Variants in FLNC observed in about 807,000 individuals in gnomAD.
FLNC encodes the protein filamin-C.
In FLNC, 91 loss-of-function variants were observed where a neutral mutation model predicts 254.3. The ratio of observed to expected loss-of-function variants is 0.36; its 90% CI spans 0.30 to 0.43. FLNC has a LOEUF of 0.43. FLNC is among the 20% of genes least tolerant of loss of function. The probability of loss-of-function intolerance (pLI) is 1.00; values close to 1 mark genes in which losing one functional copy is unlikely to be tolerated. For missense variants in FLNC, 2,853 were observed against 3,802.6 expected (o/e 0.75, Z 6.57); for synonymous variants, 1,430 against 1,577.2 (o/e 0.91, Z 2.21).
rs1376914067 is a variant in FLNC, at chr7:128,830,969, A to C, written c.332A>C (p.His111Pro). 1 of 1,609,082 alleles carries C rather than the reference A, an allele frequency of 6.2e-7. No homozygotes were observed. Among genetic ancestry groups the C allele is most frequent in the South Asian group, 1.1e-5 (1 of 91,082 alleles). The change falls in exon 1 of 48, where the codon CAC (histidine) becomes CCC (proline). Residue 111 changes from histidine (H) to proline (P), a missense_variant. Physicochemically the swap from His to Pro is moderately conservative, Grantham distance 77. This residue lies in a region of FLNC where 115 missense variants were observed against 230.3 expected (regional missense o/e 0.50). Transcript: ENST00000325888. ...GCCCTCGAGTTCCTCGAGCGCGAGC[A>C]CATCAAGCTCGTGTCCATAGGTCAG... ...SVALEFLERE[H>P]IKLVSIDSKA...
At chr7:128,853,659 G>A in intron 38 of FLNC, 38 bp downstream of exon 38, 1 of 1,614,012 alleles carries the variant, frequency 6.2e-7, no homozygotes, top group South Asian at 1.1e-5. Flanking sequence ...GAGAGACAGG[G>A]AGGCCAGGAG....
chr7:128,851,199 C>T, intron 33 of FLNC, 33 bp from the exon 34 acceptor site: 1 of 1,613,608 alleles, frequency 6.2e-7, no homozygotes. Flanking sequence ...ATCCCTGATG[C>T]TGACCCAGCC....
rs750404224 is a variant in FLNC at position 128,840,982 on chromosome 7, G to T, written c.1813+12G>T. ...GGTGGGGACACTGGGTAAGTGGCTGGGGGGCAGGAGGAGGGAGTGCTGCGG... is the reference window on the plus strand; with the variant it reads ...GGTGGGGACACTGGGTAAGTGGCTGTGGGGCAGGAGGAGGGAGTGCTGCGG... On this transcript the variant is annotated intron_variant, in intron 11 of 47. Coordinates refer to ENST00000325888, the MANE Select transcript of FLNC (RefSeq NM_001458.5). 1 of 1,585,622 alleles carries T rather than the reference G, an allele frequency of 6.3e-7. No homozygotes were observed. The highest frequency in any genetic ancestry group is 8.6e-7 in the Non-Finnish European group (1 of 1,166,004).
Position 128,847,945 on chromosome 7 carries a change from G to T in FLNC, c.4457G>T (p.Gly1486Val), listed in dbSNP as rs767473791. 3.1e-6 allele frequency: 5 copies of T among 1,613,482 alleles called. No individual in the cohort carries two copies. The African/African-American group carries it at 5.3e-5, about 17-fold the overall frequency. Residue 1486 changes from glycine (G) to valine (V), a missense_variant and splice_region_variant, in exon 26 of 48, where the codon GGT (glycine) becomes GTT (valine). Physicochemically the swap from Gly to Val is moderately radical, Grantham distance 109 (BLOSUM62 -3). Transcript: ENST00000325888. ...TGCTGACCCTGTGCCCCTTGCCCAG[G>T]TGTGGCCGAGCCTGTGGAGGTGCGG... The part of the protein sequence containing the change: ...PLQVAVLGPT[G>V]VAEPVEVRDN...
chr7:128,854,459 G>A lies in FLNC; in HGVS notation c.6774G>A (p.Ser2258=), dbSNP rs767691386. The change falls in exon 41 of 48, where the codon TCG becomes TCA. Residue 2258 remains serine (S), a synonymous_variant. Coordinates refer to ENST00000325888, the MANE Select transcript of FLNC (RefSeq NM_001458.5). ...TGACTGCACAGGTGACCAGCCCATC[G>A]GGCAAGGTGGAAGCCGCAGAGATCG... ...QDMTAQVTSP[S]GKVEAAEIVE... 41 of 1,609,234 alleles carry A rather than the reference G, an allele frequency of 2.5e-5. No homozygotes were observed. The highest frequency in any genetic ancestry group is 8.4e-5 in the Admixed American group (5 of 59,330).
chr7:128,840,613 C>T lies in FLNC; in HGVS notation c.1615C>T (p.Pro539Ser). ...TGGTGTGTTCGAGTGCGAGTACTAC[C>T]CGGTGGTGCCTGGGAAGTATGTGGT... ...GDGVFECEYYPVVPGKYVVTI... is the reference protein window; with the variant it reads ...GDGVFECEYYSVVPGKYVVTI... The change falls in exon 10 of 48, where the codon CCG (proline) becomes TCG (serine). Residue 539 changes from proline to serine, a missense_variant. Around this residue, in one of 10 missense-constraint regions of FLNC, gnomAD observed 1,573 missense variants for 1,883.5 expected, o/e 0.84. Transcript: ENST00000325888. 2.5e-6 allele frequency: 4 copies of T among 1,614,208 alleles called. No individual in the cohort carries two copies. The highest frequency in any genetic ancestry group is 3.4e-6 in the Non-Finnish European group (4 of 1,180,032).
chr7:128,848,765 C>T (rs558197599), intron 27 of FLNC, 28 bp from the exon 28 acceptor site: 17 of 1,614,092 alleles, frequency 1.1e-5, no homozygotes, highest in African/African-American at 4.0e-5. Flanking sequence ...CAGGCACAGG[C>T]GGGCCTTGAC....
In FLNC at chr7:128,840,597, C is replaced by T. The variant is rs768072902; in HGVS notation, c.1599C>T (p.Phe533=). 1.1e-5 allele frequency: 17 copies of T among 1,614,064 alleles called. No homozygotes were observed. Among genetic ancestry groups the T allele is most frequent in the South Asian group, 4.4e-5 (4 of 91,084 alleles). ...TGCGGGAGGCTGGGGATGGTGTGTT[C>T]GAGTGCGAGTACTACCCGGTGGTGC... ...VKVREAGDGV[F]ECEYYPVVPG... The change falls in exon 10 of 48, where the codon TTC becomes TTT. Residue 533 remains phenylalanine (F), a synonymous_variant. Coordinates refer to ENST00000325888, the MANE Select transcript of FLNC (RefSeq NM_001458.5).
rs1328348899 is a variant in FLNC, at chr7:128,853,024, C to T, written c.6201C>T (p.Arg2067=). The T allele has an allele frequency of 6.2e-7, 1 of 1,613,140 alleles. No homozygotes were observed. Among genetic ancestry groups the T allele is most frequent in the Non-Finnish European group, 8.5e-7 (1 of 1,179,950 alleles). The change falls in exon 37 of 48, where the codon CGC becomes CGT. Residue 2067 remains arginine (R), a synonymous_variant. Transcript: ENST00000325888. Reference sequence around the variant, plus strand: ...TGGCAGAGTTCATCGTGGACACTCGCAATGCAGGTACCTCCTGCCCCAGAG... The same window carrying T: ...TGGCAGAGTTCATCGTGGACACTCGTAATGCAGGTACCTCCTGCCCCAGAG... The part of the protein sequence containing the change: ...FQVAEFIVDT[R]NAGYGGLGLS...
rs771375807 is a variant in FLNC, at chr7:128,850,089, A to G, written c.5298+15A>G. 2 of 1,508,392 alleles carry G rather than the reference A, an allele frequency of 1.3e-6. No individual in the cohort carries two copies. Among genetic ancestry groups the G allele is most frequent in the Non-Finnish European group, 8.9e-7 (1 of 1,120,182 alleles). The allele number at this position is 1,508,392 out of a possible 1,614,324, so 93.4% of individuals were successfully genotyped here. On this transcript the variant is annotated intron_variant, in intron 31 of 47. Transcript: ENST00000325888. ...CCACACACTGGGTACTGCGCCTCCC[A>G]CCAGGCGATGTCCTCCTCCTCCTCC...
chr7:128,854,122 C>T lies in FLNC; in HGVS notation c.6633C>T (p.Thr2211=). ...GCGAGGTGCGGGTGGAGGAGTCCAC[C>T]CAGGTCGGCGGGGACCCCTTCCCTG... ...TKREVRVEES[T]QVGGDPFPAV... The change falls in exon 40 of 48, where the codon ACC becomes ACT. Residue 2211 remains threonine, a synonymous_variant. Coordinates refer to ENST00000325888, the MANE Select transcript of FLNC (RefSeq NM_001458.5). 1 of 1,612,882 alleles carries T rather than the reference C, an allele frequency of 6.2e-7. No homozygotes were observed. Among genetic ancestry groups the T allele is most frequent in the South Asian group, 1.1e-5 (1 of 91,062 alleles).
At chr7:128,854,730 G>T in intron 41 of FLNC, 45 bp from the exon 42 acceptor site, 1 of 1,613,356 alleles carries the variant, frequency 6.2e-7, no homozygotes, top group Non-Finnish European at 8.5e-7. Context: ...GGCAGCCAGT[G>T]TGAGGGGCGA....
chr7:128,854,332 G>A, intron 40 of FLNC, 81 bp from the exon 41 acceptor site: 1 of 1,598,064 alleles, frequency 6.3e-7, no homozygotes, highest in Non-Finnish European at 8.5e-7. Flanking sequence ...GAGCAGAGGA[G>A]GAGGTTTAAC....
rs1013880757 is a variant in FLNC at position 128,836,887 on chromosome 7, G to GGGCA, written c.602-266_602-263dup. ...GGGTTCAAGGTCTGAGCTGGGGCCT[G>GGGCA]GGCAGGCAGGAGGCCGGCCAGCAGG... On this transcript the variant is annotated intron_variant, in intron 2 of 47. Transcript: ENST00000325888. The surrounding 1 kb of genome is among the most constrained non-coding windows in gnomAD (Gnocchi z 6.0). 6.6e-5 allele frequency among the ~76,000 whole-genome samples: 10 copies of GGGCA among 152,198 alleles called. No homozygotes were observed. Among genetic ancestry groups the GGGCA allele is most frequent in the Non-Finnish European group, 1.3e-4 (9 of 68,034 alleles).
chr7:128,839,897 T>A lies in FLNC; in HGVS notation c.1412-126T>A, dbSNP rs988762833. 4.8e-6 allele frequency: 6 copies of A among 1,239,398 alleles called. No individual in the cohort carries two copies. In the Admixed American group the frequency reaches 1.1e-4, roughly 23 times the overall value. The allele number at this position is 1,239,398 out of a possible 1,614,324, so 76.8% of individuals were successfully genotyped here. A position where few individuals can be genotyped will look rare whatever the true frequency, so the allele number is the denominator to read the frequency against. Reference sequence around the variant, plus strand: ...CGGTTGTGCTGGGGACACAAAGGGCTCCAGAGCAGGGCCGTGGGCCACTGC... The same window carrying A: ...CGGTTGTGCTGGGGACACAAAGGGCACCAGAGCAGGGCCGTGGGCCACTGC... On this transcript the variant is annotated intron_variant, in intron 8 of 47. Transcript: ENST00000325888.
chr7:128,846,578 G>A, intron 23 of FLNC, 115 bp downstream of exon 23: 2 of 1,448,852 alleles, frequency 1.4e-6, no homozygotes, highest in South Asian at 1.2e-5. Flanking sequence ...TCAGGGGTGA[G>A]GCAGGAGCAG....
chr7:128,854,554 T>C lies in FLNC; in HGVS notation c.6869T>C (p.Val2290Ala). The change falls in exon 41 of 48, where the codon GTC (valine) becomes GCC (alanine). Residue 2290 changes from valine (V) to alanine (A), a missense_variant. Val to Ala is a moderately conservative substitution (Grantham distance 64, BLOSUM62 0). Transcript: ENST00000325888. Reference protein sequence around the residue: ...PQEMGPHTVAVKYRGQHVPGS... With the variant: ...PQEMGPHTVAAKYRGQHVPGS... ...GAAATGGGGCCCCATACGGTCGCTG[T>C]CAAGTACCGTGGCCAGCACGTGCCC... 6.2e-7 allele frequency: 1 copy of C among 1,608,160 alleles called. No individual in the cohort carries two copies. Among genetic ancestry groups the C allele is most frequent in the Non-Finnish European group, 8.5e-7 (1 of 1,177,862 alleles).
At position 128,837,700 on chromosome 7, in the gene FLNC, C is replaced by T. The variant is rs966097091; in HGVS notation, c.914C>T (p.Ala305Val). The change falls in exon 5 of 48, where the codon GCG (alanine) becomes GTG (valine). Residue 305 changes from alanine (A) to valine (V), a missense_variant. Ala to Val is a moderately conservative substitution (Grantham distance 64, BLOSUM62 0). Around this residue, in one of 10 missense-constraint regions of FLNC, gnomAD observed 1,573 missense variants for 1,883.5 expected, o/e 0.84. Transcript: ENST00000325888. ...CACTTCACCGTGCAGACGGTGGACG[C>T]GGGCGTGGGCGAGGTGCTGGTCTAC... The part of the protein sequence containing the change: ...PAHFTVQTVD[A>V]GVGEVLVYIE... 3 of 1,608,912 alleles carry T rather than the reference C, an allele frequency of 1.9e-6. No individual in the cohort carries two copies. The highest frequency in any genetic ancestry group is 2.5e-6 in the Non-Finnish European group (3 of 1,178,588).
Position 128,838,474 on chromosome 7 carries a change from G to A in FLNC, c.1210+45G>A, listed in dbSNP as rs1430330624. 44 of 1,604,118 alleles carry A rather than the reference G, an allele frequency of 2.7e-5. No individual in the cohort carries two copies. In the East Asian group the frequency reaches 9.4e-4, roughly 34 times the overall value. ...GTGCAGGTGGAAAGCCCCTGACCAT[G>A]TGGGGCTGTGTGGGGGTGGGGGGAG... is the stretch of plus-strand genomic sequence containing the variant. On this transcript the variant is annotated intron_variant, in intron 7 of 47. Transcript: ENST00000325888.
Sources: gnomAD v4.1 joint callset for allele counts (sites outside exome capture counted in the v4.1 genomes callset) on GRCh38, gnomAD v4.1.1 for gene constraint, gnomAD v4.1.1 regional missense constraint, Gnocchi (gnomAD v3.1) non-coding constraint, MANE v1.5 for transcripts, NCBI Gene and HGNC (gene_info 2026-07-23, HGNC 2026-07-21) for gene names.